PRKAR1A: variants seen among roughly 807,000 people sequenced by gnomAD.
PRKAR1A encodes cAMP-dependent protein kinase type I-alpha regulatory subunit.
Under a neutral mutation model 52.0 loss-of-function variants are expected in PRKAR1A, and 3 were observed. The observed-to-expected ratio is 0.06, with a 90% CI of 0.03 to 0.15. The LOEUF (loss-of-function observed/expected upper bound fraction) is 0.15. Ranked by LOEUF, PRKAR1A falls within the 10% of genes least tolerant of loss-of-function variation. The pLI is 1.00. For missense variants in PRKAR1A, 240 were observed against 477.4 expected, an observed-to-expected ratio of 0.50 and a Z score of 4.63; for synonymous variants, 188 against 168.4, an observed-to-expected ratio of 1.12 and a Z score of -0.90.
chr17:68,422,600 ATGC>A, the PRKAR1A span: 1 of 151,878 alleles, frequency 6.6e-6, no homozygotes. Context: ...GCATGGTAGC[ATGC>A]CTGAAACCCC....
chr17:68,476,417 A>G, the PRKAR1A span, among the ~76,000 whole-genome samples: 1 of 152,134 alleles, frequency 6.6e-6, no homozygotes, highest in African/African-American at 2.4e-5. Flanking sequence ...AGATATTTTT[A>G]GAAATAGATA....
chr17:68,503,923 C>A, the PRKAR1A span, among the ~76,000 whole-genome samples: 1 of 152,160 alleles, frequency 6.6e-6, no homozygotes, highest in Non-Finnish European at 1.5e-5. Flanking sequence ...AAAAGGGAAA[C>A]TTTGTACTCT....
downstream of PRKAR1A, chr17:68,536,085 C>T (rs1234581303): frequency 4.4e-6 from 2 of 453,956 alleles, no homozygotes; most frequent in African/African-American, 2.0e-5. Flanking sequence ...TAGAGAGACA[C>T]AAAGTCCAGG....
At chr17:68,541,047 C>G (rs2086267529) in intron 11 of PRKAR1A, 2 of 1,539,322 alleles carry the variant, frequency 1.3e-6, no homozygotes, top group East Asian at 4.9e-5. Flanking sequence ...CCCCCCAATC[C>G]CTGCCTCCCT....
the PRKAR1A span, among the ~76,000 whole-genome samples, chr17:68,441,274 CACAA>C: frequency 2.0e-5 from 3 of 152,314 alleles, no homozygotes; most frequent in South Asian, 2.1e-4. Context: ...ACGGGCATGA[CACAA>C]ACAGACAGAA....
the PRKAR1A span, among the ~76,000 whole-genome samples, chr17:68,499,359 A>T: frequency 7.0e-6 from 1 of 143,632 alleles, no homozygotes; most frequent in South Asian, 2.3e-4. Context: ...TGGAAGTAGA[A>T]GGGAGGAAAA....
chr17:68,532,739 TAAAAAG>T lies in PRKAR1A; in HGVS notation c.*2292_*2297del, dbSNP rs1274920223. On this transcript the variant is annotated 3_prime_UTR_variant, in exon 11 of 11. Coordinates refer to ENST00000589228, the MANE Select transcript of PRKAR1A (RefSeq NM_002734.5). ...ATTGTCTTAATGGTAGGTCAAGTAA[TAAAAAG>T]AGATGAAATAATTTAAATTCTTAAA... The T allele has an allele frequency of 9.4e-7, 1 of 1,066,020 alleles. No individual in the cohort carries two copies. Among genetic ancestry groups the T allele is most frequent in the Non-Finnish European group, 1.1e-6 (1 of 879,468 alleles). The allele number at this position is 1,066,020 out of a possible 1,614,324, so 66.0% of individuals were successfully genotyped here.
Position 68,532,598 on chromosome 17 carries a change from G to C in PRKAR1A, c.*2149G>C. 2 of 1,066,190 alleles carry C rather than the reference G, an allele frequency of 1.9e-6. No homozygotes were observed. The highest frequency in any genetic ancestry group is 2.3e-6 in the Non-Finnish European group (2 of 879,582). The allele number at this position is 1,066,190 out of a possible 1,614,324, so 66.0% of individuals were successfully genotyped here. On this transcript the variant is annotated 3_prime_UTR_variant, in exon 11 of 11. Coordinates refer to ENST00000589228, the MANE Select transcript of PRKAR1A (RefSeq NM_002734.5). ...GTCATTATTCCTGGGCTTGGTAAGT[G>C]AATTTATGAGATTTACTGCTCTAGA...
chr17:68,439,544 TGTG>T, the PRKAR1A span, among the ~76,000 whole-genome samples: 2 of 152,178 alleles, frequency 1.3e-5, no homozygotes, highest in African/African-American at 2.4e-5. Context: ...TAAAATTAAT[TGTG>T]GTGATGGTTA....
chr17:68,507,967 AT>A (rs894757099), upstream of PRKAR1A, among the ~76,000 whole-genome samples: 14 of 149,772 alleles, frequency 9.3e-5, no homozygotes, highest in African/African-American at 1.7e-4. Flanking sequence ...CTGTGAATGT[AT>A]TTTTTTTTTG....
At chr17:68,468,174 A>G in the PRKAR1A span, among the ~76,000 whole-genome samples, 2 of 152,194 alleles carry the variant, frequency 1.3e-5, no homozygotes, top group African/African-American at 4.8e-5. Flanking sequence ...ATGATACAGA[A>G]AAATAAACAC....
chr17:68,426,609 T>C, the PRKAR1A span, among the ~76,000 whole-genome samples: 1 of 152,214 alleles, frequency 6.6e-6, no homozygotes, highest in Non-Finnish European at 1.5e-5. Flanking sequence ...CTCAGCTCAC[T>C]GCAATCTCCG....
chr17:68,457,409 C>T, the PRKAR1A span: 21 of 1,515,242 alleles, frequency 1.4e-5, no homozygotes, highest in African/African-American at 3.0e-4. Flanking sequence ...GCGTCCGCGG[C>T]CTCGGCCTCC....
chr17:68,478,910 T>C, the PRKAR1A span, among the ~76,000 whole-genome samples: 1 of 152,158 alleles, frequency 6.6e-6, no homozygotes, highest in Non-Finnish European at 1.5e-5. Flanking sequence ...GTATTTTTAG[T>C]AGAGACGGGG....
At chr17:68,426,170 A>C in the PRKAR1A span, 1 of 1,603,148 alleles carries the variant, frequency 6.2e-7, no homozygotes. Flanking sequence ...CCGTCCTCAG[A>C]ATAACCTGGA....
the PRKAR1A span, chr17:68,426,252 G>GGGGGGT: frequency 2.4e-6 from 2 of 828,182 alleles, no homozygotes; most frequent in Non-Finnish European, 3.8e-6. Context: ...TGGGGAGCGG[G>GGGGGGT]GGCTCAAATA....
chr17:68,491,771 C>A, the PRKAR1A span, among the ~76,000 whole-genome samples: 1 of 151,548 alleles, frequency 6.6e-6, no homozygotes, highest in Non-Finnish European at 1.5e-5. Flanking sequence ...CCCCTCCTCC[C>A]AAGTGGTGCT....
chr17:68,477,932 G>A, the PRKAR1A span, among the ~76,000 whole-genome samples: 2 of 151,914 alleles, frequency 1.3e-5, no homozygotes, highest in Admixed American at 1.3e-4. Context: ...CATGTTGGCC[G>A]AGCTGGTCGC....
At chr17:68,547,514 C>G (rs186055777) in intron 11 of PRKAR1A, among the ~76,000 whole-genome samples, 1 of 152,312 alleles carries the variant, frequency 6.6e-6, no homozygotes, top group Non-Finnish European at 1.5e-5. Context: ...TCTGGATAAC[C>G]TGCTGCAGCT....
Sources: gnomAD v4.1 joint callset for allele counts (sites outside exome capture counted in the v4.1 genomes callset) on GRCh38, gnomAD v4.1.1 for gene constraint, MANE v1.5 for transcripts, NCBI Gene and HGNC (gene_info 2026-07-23, HGNC 2026-07-21) for gene names.